CTDSPL: variants seen among roughly 807,000 people sequenced by gnomAD.
The protein encoded by CTDSPL is CTD small phosphatase like.
A neutral mutation model predicts 30.5 loss-of-function variants in CTDSPL; 8 were observed. The ratio of observed to expected loss-of-function variants is 0.26; its 90% confidence interval spans 0.15 to 0.47. The LOEUF (loss-of-function observed/expected upper bound fraction) is 0.47. CTDSPL is among the 20% of genes least tolerant of loss of function. The pLI, the probability that CTDSPL is intolerant of heterozygous loss-of-function variation, is 0.99. For missense variants in CTDSPL, 248 were observed against 366.1 expected (o/e 0.68, Z 2.63); for synonymous variants, 110 against 137.9 (o/e 0.80, Z 1.42).
At chr3:37,957,212 A>T in intron 3 of CTDSPL, 69 bp downstream of exon 3, 1 of 1,108,716 alleles carries the variant, frequency 9.0e-7, no homozygotes, top group East Asian at 2.5e-5. Context: ...GCCTACTTAT[A>T]TAAAGGATTT....
intron 1 of CTDSPL, among the ~76,000 whole-genome samples, chr3:37,936,949 G>A (rs1248675195): frequency 7.5e-6 from 1 of 133,476 alleles, no homozygotes; most frequent in African/African-American, 2.5e-5. Context: ...AAAGAAGCTA[G>A]TTTGAGGGCA....
intron 5 of CTDSPL, chr3:37,968,086 A>G: frequency 1.9e-6 from 1 of 539,766 alleles, no homozygotes; most frequent in Non-Finnish European, 3.3e-6. Flanking sequence ...CTATAGTCGT[A>G]AATATTAGAT....
At chr3:37,950,890 A>G (rs1157409707) in intron 2 of CTDSPL, among the ~76,000 whole-genome samples, 1 of 152,240 alleles carries the variant, frequency 6.6e-6, no homozygotes, top group African/African-American at 2.4e-5. Context: ...AAAAGCCAGA[A>G]GACTATGAAA....
At chr3:37,948,808 C>CTTTTTTTTTTTTTT (rs71635858) in intron 2 of CTDSPL, among the ~76,000 whole-genome samples, 28 of 108,138 alleles carry the variant, frequency 2.6e-4, no homozygotes, top group African/African-American at 1.1e-3. Context: ...TTCCAGCTTT[C>CTTTTTTTTTTTTTT]TTTTTTTTTT....
intron 3 of CTDSPL, 92 bp downstream of exon 3, chr3:37,957,235 T>C (rs2125627143): frequency 3.7e-6 from 3 of 815,858 alleles, no homozygotes; most frequent in South Asian, 3.3e-5. Context: ...TTTAATGTTA[T>C]TGCTTATGGT....
chr3:37,947,289 T>A, intron 2 of CTDSPL, 78 bp downstream of exon 2: 1 of 1,514,756 alleles, frequency 6.6e-7, no homozygotes, highest in South Asian at 1.2e-5. Flanking sequence ...TGAATATCCT[T>A]AAGAAGAATA....
chr3:37,947,508 C>G (rs1172829309), intron 2 of CTDSPL, among the ~76,000 whole-genome samples: 2 of 152,020 alleles, frequency 1.3e-5, no homozygotes, highest in Non-Finnish European at 2.9e-5. Context: ...TGCAGTGAGC[C>G]AAGATCCCGC....
At chr3:37,867,337 C>A (rs940440635) in intron 1 of CTDSPL, among the ~76,000 whole-genome samples, 3 of 151,976 alleles carry the variant, frequency 2.0e-5, no homozygotes, top group East Asian at 3.8e-4. Context: ...GGATATACCA[C>A]AGTTTGTTTA....
At chr3:37,877,208 C>T (rs2125590715) in intron 1 of CTDSPL, among the ~76,000 whole-genome samples, 1 of 152,218 alleles carries the variant, frequency 6.6e-6, no homozygotes, top group East Asian at 1.9e-4. Context: ...CACCATCCAT[C>T]TCCAGAACTC....
intron 2 of CTDSPL, among the ~76,000 whole-genome samples, chr3:37,951,010 G>A (rs186468728): frequency 3.0e-4 from 46 of 152,242 alleles, no homozygotes; most frequent in Non-Finnish European, 3.4e-4. Context: ...TAATGATTCA[G>A]AGAGGGAACA....
At chr3:37,939,921 G>A (rs763699888) in intron 1 of CTDSPL, among the ~76,000 whole-genome samples, 1 of 143,668 alleles carries the variant, frequency 7.0e-6, no homozygotes, top group Non-Finnish European at 1.6e-5. Context: ...GTGAAACCCC[G>A]TCTCTACTAA....
chr3:37,947,693 G>A (rs73058958), intron 2 of CTDSPL, among the ~76,000 whole-genome samples: 1,529 of 152,308 alleles, frequency 0.01, 15 homozygotes, highest in Middle Eastern at 0.051. Context: ...GATTATATTT[G>A]ATGGGAGTTA....
intron 1 of CTDSPL, among the ~76,000 whole-genome samples, chr3:37,878,089 G>A (rs1698159333): frequency 6.6e-6 from 1 of 152,124 alleles, no homozygotes; most frequent in African/African-American, 2.4e-5. Flanking sequence ...CATCACACTT[G>A]TTATCTTCTG....
intron 1 of CTDSPL, among the ~76,000 whole-genome samples, chr3:37,890,047 C>G (rs550414953): frequency 5.3e-5 from 8 of 152,234 alleles, no homozygotes; most frequent in African/African-American, 1.9e-4. Context: ...AGAAACAGAA[C>G]CCAGGAGCCA....
chr3:37,941,519 A>T lies in CTDSPL; in HGVS notation c.80-5538A>T, dbSNP rs1428029097. Among the ~76,000 whole-genome samples the T allele has an allele frequency of 2.7e-5, 4 of 147,420 alleles. 2 individuals are homozygous for T. Among genetic ancestry groups the T allele is most frequent in the Non-Finnish European group, 6.1e-5 (4 of 66,084 alleles). On this transcript the variant is annotated intron_variant, in intron 1 of 7. Transcript: ENST00000273179. ...CAACTTGTGCCTCGGCCTCCTGAGT[A>T]GCTGGGATTACAGGGGCCCGCCACC... is the stretch of plus-strand genomic sequence containing the variant.
At chr3:37,922,778 A>G (rs1698732814) in intron 1 of CTDSPL, among the ~76,000 whole-genome samples, 1 of 152,210 alleles carries the variant, frequency 6.6e-6, no homozygotes. Context: ...AAGCTTGGGA[A>G]CACAGCTGAG....
chr3:37,945,929 T>C (rs1008497128), intron 1 of CTDSPL, among the ~76,000 whole-genome samples: 5 of 152,234 alleles, frequency 3.3e-5, no homozygotes, highest in Non-Finnish European at 5.9e-5. Context: ...TGGGAGGAAC[T>C]AGGTGTTACA....
At chr3:37,931,957 A>C (rs1486294292) in intron 1 of CTDSPL, among the ~76,000 whole-genome samples, 1 of 152,134 alleles carries the variant, frequency 6.6e-6, no homozygotes, top group Non-Finnish European at 1.5e-5. Flanking sequence ...TTGTAAGTGT[A>C]AAGTGTTAGA....
At chr3:37,967,978 C>A in intron 5 of CTDSPL, 96 bp downstream of exon 5, 1 of 836,002 alleles carries the variant, frequency 1.2e-6, no homozygotes, top group Non-Finnish European at 1.9e-6. Context: ...TCAGTAATAA[C>A]TTTATTACGG....
Sources: allele counts gnomAD v4.1 joint callset (sites outside exome capture counted in the v4.1 genomes callset), GRCh38; gene constraint gnomAD v4.1.1; transcripts MANE v1.5; gene names NCBI Gene and HGNC (gene_info 2026-07-23, HGNC 2026-07-21).